Variants in RIBC2 observed in about 807,000 individuals in gnomAD.
The protein encoded by RIBC2 is RIB43A domain with coiled-coils 2, also known as RIB43A-like with coiled-coils protein 2.
RIBC2 carries 40 observed loss-of-function variants against 44.3 expected under a neutral mutation model. The ratio of observed to expected loss-of-function variants is 0.90; its 90% confidence interval spans 0.70 to 1.18. The LOEUF (loss-of-function observed/expected upper bound fraction) is 1.18, where lower values mean the gene tolerates loss of function less well. RIBC2 is among the 50% of genes most tolerant of loss of function. RIBC2 has a pLI of 0.00. For synonymous variants in RIBC2, 171 were observed against 175.0 expected (o/e 0.98, Z 0.18); for missense variants, 459 against 485.5 (o/e 0.95, Z 0.51).
intron 5 of RIBC2, among the ~76,000 whole-genome samples, chr22:45,428,808 TAGTC>T (rs1029367398): frequency 5.3e-5 from 8 of 152,166 alleles, no homozygotes; most frequent in Non-Finnish European, 7.4e-5. Flanking sequence ...TAGGGGGTCA[TAGTC>T]AGATGACTGG....
intron 5 of RIBC2, among the ~76,000 whole-genome samples, chr22:45,427,265 T>G (rs2087542574): frequency 6.6e-6 from 1 of 152,234 alleles, no homozygotes; most frequent in Non-Finnish European, 1.5e-5. Context: ...TGTCCTGCTA[T>G]CCTTGGCTCC....
chr22:45,416,530 C>T (rs949749670), intron 2 of RIBC2, among the ~76,000 whole-genome samples: 29 of 152,088 alleles, frequency 1.9e-4, no homozygotes, highest in African/African-American at 6.5e-4. Context: ...GGAGCGATCT[C>T]GGCTCACTGC....
chr22:45,430,834 AGATAAT>A (rs2146891959), intron 5 of RIBC2, 60 bp from the exon 6 acceptor site: 1 of 1,456,946 alleles, frequency 6.9e-7, no homozygotes, highest in Non-Finnish European at 9.1e-7. Context: ...CAGGCCTCCT[AGATAAT>A]CCCCTGGGGT....
chr22:45,429,565 A>G (rs1390061022), intron 5 of RIBC2, among the ~76,000 whole-genome samples: 2 of 152,010 alleles, frequency 1.3e-5, no homozygotes, highest in Non-Finnish European at 2.9e-5. Context: ...CAGCTCGTCC[A>G]CCTGCTTCCC....
chr22:45,422,352 G>A lies in RIBC2; in HGVS notation c.619G>A (p.Glu207Lys). The change falls in exon 4 of 7, where the codon GAA (glutamate) becomes AAA (lysine). Residue 207 changes from glutamate (E) to lysine (K), a missense_variant. Transcript: ENST00000614167. ...GACAGCCAAGCACCTCCAGAAGCTGGAAAGCACCACCAGAAAGGCAGTTTG... is the reference window on the plus strand; with the variant it reads ...GACAGCCAAGCACCTCCAGAAGCTGAAAAGCACCACCAGAAAGGCAGTTTG... ...DETAKHLQKL[E>K]STTRKAVCAS... The A allele has an allele frequency of 6.2e-7, 1 of 1,614,192 alleles. No homozygotes were observed. Among genetic ancestry groups the A allele is most frequent in the Non-Finnish European group, 8.5e-7 (1 of 1,180,028 alleles).
intron 4 of RIBC2, 51 bp downstream of exon 4, chr22:45,422,459 C>T (rs1397453342): frequency 7.6e-7 from 1 of 1,309,142 alleles, no homozygotes; most frequent in Non-Finnish European, 1.1e-6. Flanking sequence ...GAGGATGAGC[C>T]CACTACGGCT....
chr22:45,419,408 C>A (rs1487815066), intron 3 of RIBC2, among the ~76,000 whole-genome samples: 1 of 152,192 alleles, frequency 6.6e-6, no homozygotes, highest in African/African-American at 2.4e-5. Flanking sequence ...ACTTTCCACA[C>A]CCTCCAACAT....
At chr22:45,414,167 T>C in intron 1 of RIBC2, 152 bp downstream of exon 1, 1 of 985,166 alleles carries the variant, frequency 1.0e-6, no homozygotes, top group Non-Finnish European at 1.2e-6. Flanking sequence ...CCTCTCGAGC[T>C]CGCCTGGAGT....
At position 45,417,796 on chromosome 22, in the gene RIBC2, G is replaced by A. The variant is rs2087439882; in HGVS notation, c.406G>A (p.Val136Ile). ...DLPARQSDND[V>I]RNTISGMQKF... is the part of the protein sequence containing the mutation. ...TCCAGCCCGGCAGTCAGATAATGAT[G>A]TTCGGAATACGATATCAGGAATGCA... is the stretch of plus-strand genomic sequence containing the variant. Residue 136 changes from valine (V) to isoleucine (I), a missense_variant, in exon 3 of 7, where the codon GTT (valine) becomes ATT (isoleucine). Val to Ile is a conservative substitution (Grantham distance 29). Coordinates refer to ENST00000614167, the MANE Select transcript of RIBC2 (RefSeq NM_015653.5). The A allele has an allele frequency of 1.9e-6, 3 of 1,614,084 alleles. No individual in the cohort carries two copies. In the East Asian group the frequency reaches 6.7e-5, roughly 36 times the overall value.
At chr22:45,422,531 G>A (rs2087496686) in intron 4 of RIBC2, 123 bp downstream of exon 4, 4 of 732,416 alleles carry the variant, frequency 5.5e-6, no homozygotes, top group Non-Finnish European at 7.3e-6. Flanking sequence ...TCACATGACC[G>A]GCCCTGACAG....
chr22:45,414,449 C>G, intron 2 of RIBC2, 46 bp downstream of exon 2: 1 of 1,341,224 alleles, frequency 7.5e-7, no homozygotes, highest in Non-Finnish European at 1.0e-6. Context: ...GATTGTGTGG[C>G]TTTAGACTCC....
Position 45,417,925 on chromosome 22 carries a change from C to G in RIBC2, c.535C>G (p.Arg179Gly). ...GCAGCAAAGGGAATGGAAGAACGCCCGTGCTGAACAAAAATGCGCAGGTAA... is the reference window on the plus strand; with the variant it reads ...GCAGCAAAGGGAATGGAAGAACGCCGGTGCTGAACAAAAATGCGCAGGTAA... ...LQQQREWKNA[R>G]AEQKCAEALY... Residue 179 changes from arginine (R) to glycine (G), a missense_variant, in exon 3 of 7, where the codon CGT becomes GGT. Physicochemically the swap from Arg to Gly is moderately radical, Grantham distance 125. Coordinates refer to ENST00000614167, the MANE Select transcript of RIBC2 (RefSeq NM_015653.5). The G allele has an allele frequency of 6.2e-7, 1 of 1,603,426 alleles. No homozygotes were observed. The highest frequency in any genetic ancestry group is 8.5e-7 in the Non-Finnish European group (1 of 1,174,370).
Position 45,414,328 on chromosome 22 carries a change from A to C in RIBC2, c.136A>C (p.Thr46Pro), listed in dbSNP as rs140376917. The change falls in exon 2 of 7, where the codon ACT becomes CCT. Residue 46 changes from threonine to proline, a missense_variant. Physicochemically the swap from Thr to Pro is conservative, Grantham distance 38 (BLOSUM62 -1). Coordinates refer to ENST00000614167, the MANE Select transcript of RIBC2 (RefSeq NM_015653.5). Reference protein sequence around the residue: ...NARNRIIGGDTEAWDVQVHDQ... With the variant: ...NARNRIIGGDPEAWDVQVHDQ... ...TCTGTTTTTCCATTTATAGGGAGACACTGAAGCCTGGGATGTTCAAGTTCA... is the reference window on the plus strand; with the variant it reads ...TCTGTTTTTCCATTTATAGGGAGACCCTGAAGCCTGGGATGTTCAAGTTCA... 1.7e-4 allele frequency: 270 copies of C among 1,550,316 alleles called. No homozygotes were observed. The highest frequency in any genetic ancestry group is 2.1e-4 in the Non-Finnish European group (245 of 1,146,568).
rs2087387320 is a variant in RIBC2 at position 45,413,780 on chromosome 22, T to C, written c.-107T>C. ...CGGAAAACTGCGCTAAAGGCTTGTC[T>C]TTCCCCTGCCCGACCGAAGGAGCCG... On this transcript the variant is annotated 5_prime_UTR_variant, in exon 1 of 7. Transcript: ENST00000614167. The C allele has an allele frequency of 3.5e-6, 5 of 1,429,874 alleles. No homozygotes were observed. Among genetic ancestry groups the C allele is most frequent in the Non-Finnish European group, 4.7e-6 (5 of 1,072,210 alleles). The allele number at this position is 1,429,874 out of a possible 1,614,324, so 88.6% of individuals were successfully genotyped here.
intron 4 of RIBC2, among the ~76,000 whole-genome samples, chr22:45,425,148 A>C (rs545247732): frequency 4.1e-4 from 63 of 152,186 alleles, no homozygotes; most frequent in African/African-American, 7.9e-4. Context: ...AACAAACAAA[A>C]AAAAACGGGT....
intron 6 of RIBC2, among the ~76,000 whole-genome samples, chr22:45,432,080 G>T (rs553848600): frequency 6.6e-6 from 1 of 152,288 alleles, no homozygotes; most frequent in East Asian, 1.9e-4. Context: ...TAATCTAACT[G>T]CAGTGTAATT....
At position 45,413,733 on chromosome 22, in the gene RIBC2, T is replaced by TGCG. The variant is rs888500588; in HGVS notation, c.-150_-148dup. On this transcript the variant is annotated 5_prime_UTR_variant, in exon 1 of 7. Coordinates refer to ENST00000614167, the MANE Select transcript of RIBC2 (RefSeq NM_015653.5). ...GAGAGAGCGGGAGCGTCTGTACCTC[T>TGCG]GCGGCGTCACTGGGAGCCCGACGGA... 1.8e-5 allele frequency: 22 copies of TGCG among 1,202,356 alleles called. No individual in the cohort carries two copies. Among genetic ancestry groups the TGCG allele is most frequent in the Non-Finnish European group, 2.3e-5 (20 of 863,392 alleles). The allele number at this position is 1,202,356 out of a possible 1,614,324, so 74.5% of individuals were successfully genotyped here. A position where few individuals can be genotyped will look rare whatever the true frequency, so the allele number is the denominator to read the frequency against.
intron 3 of RIBC2, among the ~76,000 whole-genome samples, chr22:45,421,583 A>C (rs62226842): frequency 6.3e-5 from 2 of 31,988 alleles, no homozygotes; most frequent in Admixed American, 6.7e-4. Context: ...AGTATTATTA[A>C]TAATAATAAT....
chr22:45,415,603 GTATA>G (rs59918831), intron 2 of RIBC2, among the ~76,000 whole-genome samples: 23,850 of 149,230 alleles, frequency 0.16, 1,888 homozygotes, highest in Middle Eastern at 0.25. Flanking sequence ...TTATATATGT[GTATA>G]TATATATATA....
Sources: gnomAD v4.1 joint callset for allele counts (sites outside exome capture counted in the v4.1 genomes callset) on GRCh38, gnomAD v4.1.1 for gene constraint, MANE v1.5 for transcripts, NCBI Gene and HGNC (gene_info 2026-07-23, HGNC 2026-07-21) for gene names.